Variants in ATXN7 observed in about 807,000 individuals in gnomAD.
ATXN7 encodes ataxin 7, also known as ataxin-7.
In ATXN7, 12 loss-of-function variants were observed where a neutral mutation model predicts 70.5. The observed-to-expected ratio is 0.17, with a 90% CI of 0.11 to 0.28. The LOEUF is 0.28. Ranked by LOEUF, ATXN7 falls within the 10% of genes least tolerant of loss-of-function variation. The pLI is 1.00. For synonymous variants in ATXN7, 498 were observed against 448.7 expected (o/e 1.11, Z -1.39); for missense variants, 1,256 against 1,131.7 (o/e 1.11, Z -1.58).
chr3:63,945,234 A>T (rs1046415156), intron 4 of ATXN7, among the ~76,000 whole-genome samples: 16 of 152,234 alleles, frequency 1.1e-4, no homozygotes, highest in Non-Finnish European at 2.1e-4. Context: ...GGCAACTGAG[A>T]TTCAGAGAGG....
intron 8 of ATXN7, among the ~76,000 whole-genome samples, chr3:63,983,618 GA>G (rs55756729): frequency 1.4e-4 from 21 of 147,230 alleles, no homozygotes; most frequent in Admixed American, 1.1e-3. Context: ...TCTTTTAAGA[GA>G]AAAAAAAAAC....
At chr3:63,863,363 C>T (rs1339364815), upstream of ATXN7, 2 of 848,026 alleles carry the variant, frequency 2.4e-6, no homozygotes, top group East Asian at 9.3e-5. Context: ...GCACCACTGT[C>T]CACCCTTCGC....
chr3:63,882,294 A>G (rs1352737669), intron 1 of ATXN7, among the ~76,000 whole-genome samples: 1 of 152,128 alleles, frequency 6.6e-6, no homozygotes, highest in Non-Finnish European at 1.5e-5. Flanking sequence ...TTGTCGTGCA[A>G]CATTTACACA....
rs1026850571 is a variant in ATXN7 at position 64,000,490 on chromosome 3, C to G, written c.*1023C>G. 6.6e-6 allele frequency: 1 copy of G among 152,558 alleles called. No homozygotes were observed. The highest frequency in any genetic ancestry group is 2.4e-5 in the African/African-American group (1 of 41,430). 9.5% of individuals were successfully genotyped at this position (152,558 alleles called of 1,614,324 possible). A position where few individuals can be genotyped will look rare whatever the true frequency, so the allele number is the denominator to read the frequency against. ...TACACTTAAATGTTTCCAAGGCACT[C>G]TCTACATTACCCTTGTTTTTCTCTT... On this transcript the variant is annotated 3_prime_UTR_variant, in exon 13 of 13. Coordinates refer to ENST00000674280, the MANE Select transcript of ATXN7 (RefSeq NM_001377405.1).
intron 1 of ATXN7, among the ~76,000 whole-genome samples, chr3:63,895,818 T>C (rs1417189009): frequency 6.6e-6 from 1 of 152,096 alleles, no homozygotes; most frequent in Non-Finnish European, 1.5e-5. Flanking sequence ...TCTCTCTCTT[T>C]CTTGTTTTTT....
intron 4 of ATXN7, among the ~76,000 whole-genome samples, chr3:63,923,209 G>A (rs535574789): frequency 2.6e-5 from 4 of 152,170 alleles, no homozygotes; most frequent in Non-Finnish European, 4.4e-5. Context: ...TAAAGTCTGA[G>A]GATACAACTC....
intron 5 of ATXN7, among the ~76,000 whole-genome samples, chr3:63,971,629 A>G (rs752156241): frequency 7.2e-5 from 11 of 152,146 alleles, no homozygotes; most frequent in Non-Finnish European, 1.5e-4. Context: ...GTGATTTTCA[A>G]TGGTATGCCA....
chr3:64,002,703 G>A lies in ATXN7; in HGVS notation c.*3236G>A, dbSNP rs148863609. The A allele has an allele frequency of 3.3e-5, 5 of 152,168 alleles. No homozygotes were observed. Among genetic ancestry groups the A allele is most frequent in the East Asian group, 1.9e-4 (1 of 5,176 alleles). The allele number at this position is 152,168 out of a possible 1,614,324, so 9.4% of individuals were successfully genotyped here. ...ATATTGTTTCTAAAATTTTAGGGGC[G>A]GAGTTGAAAACCACCAATGCTGGTA... is the stretch of plus-strand genomic sequence containing the variant. On this transcript the variant is annotated 3_prime_UTR_variant, in exon 13 of 13. Coordinates refer to ENST00000674280, the MANE Select transcript of ATXN7 (RefSeq NM_001377405.1).
rs191604232 is a variant in ATXN7, at chr3:63,936,862, G to A, written c.395-15517G>A. ...CCATATTTTGTACCTTTGACTGGTT[G>A]GTCCGTTTTCTAGTCTGCCCCTTTC... On this transcript the variant is annotated intron_variant, in intron 4 of 12. Coordinates refer to ENST00000674280, the MANE Select transcript of ATXN7 (RefSeq NM_001377405.1). Among the ~76,000 whole-genome samples the A allele has an allele frequency of 9.9e-4, 150 of 152,186 alleles. 1 individual carries two copies. Among genetic ancestry groups the A allele is most frequent in the Non-Finnish European group, 2.2e-4 (15 of 68,008 alleles).
intron 5 of ATXN7, chr3:63,968,570 T>G (rs1022087063): frequency 6.6e-6 from 1 of 152,208 alleles, no homozygotes; most frequent in African/African-American, 2.4e-5. Context: ...AACAGAACAC[T>G]GCGTCAAGAG....
intron 8 of ATXN7, among the ~76,000 whole-genome samples, chr3:63,985,394 C>A (rs1385340559): frequency 1.3e-5 from 2 of 152,216 alleles, no homozygotes; most frequent in African/African-American, 4.8e-5. Context: ...GTCATGAGAT[C>A]AGCATAGAAC....
chr3:63,978,880 A>G (rs1473123066), intron 5 of ATXN7, among the ~76,000 whole-genome samples: 1 of 152,244 alleles, frequency 6.6e-6, no homozygotes, highest in Non-Finnish European at 1.5e-5. Flanking sequence ...TTGAAGTCTT[A>G]CTTGTGGTCA....
At position 63,916,936 on chromosome 3, in the gene ATXN7, T is replaced by TG. The variant is rs1252145924; in HGVS notation, c.394+3713dup. On this transcript the variant is annotated intron_variant, in intron 4 of 12. Transcript: ENST00000674280. ...GTTGTTGTTGTTATTGTTGTTGAGA[T>TG]GGAGTCTCGCTGTGTCGCCCAGGCT... 5.3e-5 allele frequency among the ~76,000 whole-genome samples: 8 copies of TG among 152,272 alleles called. No individual in the cohort carries two copies. In the East Asian group the frequency reaches 1.5e-3, roughly 29 times the overall value.
intron 2 of ATXN7, among the ~76,000 whole-genome samples, chr3:63,906,308 G>A (rs1468803513): frequency 2.0e-5 from 3 of 152,200 alleles, no homozygotes; most frequent in Non-Finnish European, 4.4e-5. Flanking sequence ...CTTAGAGCTG[G>A]ACCTTGGCTG....
At chr3:63,880,609 C>T (rs1423184034) in intron 1 of ATXN7, among the ~76,000 whole-genome samples, 2 of 152,186 alleles carry the variant, frequency 1.3e-5, no homozygotes, top group East Asian at 1.9e-4. Context: ...TGTTCTTCCT[C>T]AATGTCTTTT....
At chr3:63,902,669 C>G (rs1703684556) in intron 2 of ATXN7, among the ~76,000 whole-genome samples, 1 of 151,954 alleles carries the variant, frequency 6.6e-6, no homozygotes, top group South Asian at 2.1e-4. Flanking sequence ...CCATATACTC[C>G]ATGAGGAAGA....
intron 10 of ATXN7, 165 bp from the exon 11 acceptor site, chr3:63,990,573 C>A: frequency 7.9e-7 from 1 of 1,259,986 alleles, no homozygotes; most frequent in Non-Finnish European, 1.1e-6. Context: ...CTTTCTCTTC[C>A]ATGACGCTCA....
At chr3:63,920,291 A>G (rs1704457186) in intron 4 of ATXN7, among the ~76,000 whole-genome samples, 2 of 152,122 alleles carry the variant, frequency 1.3e-5, no homozygotes. Context: ...TAATCTCAGG[A>G]GGGAAGTATG....
intron 1 of ATXN7, among the ~76,000 whole-genome samples, chr3:63,871,967 C>T (rs1030610606): frequency 6.6e-6 from 1 of 151,878 alleles, no homozygotes; most frequent in Admixed American, 6.6e-5. Context: ...TTTATTTGCA[C>T]CTGCATCTTT....
Sources: allele counts gnomAD v4.1 joint callset (sites outside exome capture counted in the v4.1 genomes callset), GRCh38; gene constraint gnomAD v4.1.1; transcripts MANE v1.5; gene names NCBI Gene and HGNC (gene_info 2026-07-23, HGNC 2026-07-21).